The following GPR158 variants were observed in gnomAD, a reference collection of about 807,000 sequenced individuals.
GPR158 encodes metabotropic glycine receptor.
In GPR158, 30 loss-of-function variants were observed where a neutral mutation model predicts 78.2. That is an observed-to-expected ratio of 0.38 (90% confidence interval 0.29 to 0.52). GPR158 has a LOEUF of 0.52. Among genes scored for constraint, GPR158 ranks in the 20% least tolerant of loss-of-function variants. GPR158 has a pLI of 0.83. For missense variants in GPR158, 1,463 were observed against 1,523.5 expected, an observed-to-expected ratio of 0.96 and a Z score of 0.66; for synonymous variants, 581 against 591.1, an observed-to-expected ratio of 0.98 and a Z score of 0.25.
intron 1 of GPR158, among the ~76,000 whole-genome samples, chr10:25,220,454 T>C (rs931693865): frequency 6.6e-6 from 1 of 152,188 alleles, no homozygotes; most frequent in African/African-American, 2.4e-5. Context: ...TGAAATGCAG[T>C]CTCTTCGTTT....
intron 1 of GPR158, among the ~76,000 whole-genome samples, chr10:25,219,658 A>C: frequency 6.6e-6 from 1 of 152,240 alleles, no homozygotes; most frequent in African/African-American, 2.4e-5. Context: ...TAGGTAATGT[A>C]GTACTTTTCT....
Position 25,175,475 on chromosome 10 carries a change from T to C in GPR158, c.55T>C (p.Leu19=). The C allele has an allele frequency of 6.2e-7, 1 of 1,609,808 alleles. No homozygotes were observed. Among genetic ancestry groups the C allele is most frequent in the South Asian group, 1.1e-5 (1 of 90,650 alleles). Residue 19 remains leucine, a synonymous_variant, in exon 1 of 11, where the codon TTG becomes CTG. Transcript: ENST00000376351. This position sits in a 1 kb window ranked among gnomAD's most constrained non-coding sequence, Gnocchi z 6.4. ...CTGCCTCCTGCTTGCTCAGCTGGGATTGGGAGCTGTTGGCGCCAGCCGCGA... is the reference window on the plus strand; with the variant it reads ...CTGCCTCCTGCTTGCTCAGCTGGGACTGGGAGCTGTTGGCGCCAGCCGCGA... ...LLCLLLAQLG[L]GAVGASRDPQ...
At chr10:25,555,439 G>A (rs2130716455) in intron 6 of GPR158, among the ~76,000 whole-genome samples, 1 of 152,256 alleles carries the variant, frequency 6.6e-6, no homozygotes, top group South Asian at 2.1e-4. Flanking sequence ...CAGGAACCTT[G>A]GATGTGTTTG....
chr10:25,253,313 C>G (rs1345980779), intron 2 of GPR158, among the ~76,000 whole-genome samples: 4 of 152,146 alleles, frequency 2.6e-5, no homozygotes, highest in African/African-American at 7.2e-5. Flanking sequence ...CGGAGCAGTT[C>G]CTATTCGGCC....
intron 4 of GPR158, among the ~76,000 whole-genome samples, chr10:25,448,236 C>G (rs1483066327): frequency 6.6e-6 from 1 of 151,932 alleles, no homozygotes; most frequent in Non-Finnish European, 1.5e-5. Context: ...AGGTGCCCGC[C>G]ACCACGCCTG....
intron 2 of GPR158, among the ~76,000 whole-genome samples, chr10:25,297,445 G>T (rs1854531964): frequency 6.6e-6 from 1 of 152,166 alleles, no homozygotes; most frequent in African/African-American, 2.4e-5. Flanking sequence ...GAATTGTTTT[G>T]TGTTGCTTTA....
At position 25,367,672 on chromosome 10, in the gene GPR158, C is replaced by T. The variant is rs574140458; in HGVS notation, c.1009-28239C>T. On this transcript the variant is annotated intron_variant, in intron 2 of 10. Transcript: ENST00000376351. ...GGTGGGGTTTTTGTTTGTCTCTGAC[C>T]TCTTCATTTATCACCTTATATATTT... Among the ~76,000 whole-genome samples, 4 of 148,700 alleles carry T rather than the reference C, an allele frequency of 2.7e-5. No homozygotes were observed. The Admixed American group carries it at 2.7e-4, about 10-fold the overall frequency.
At chr10:25,544,763 G>T (rs533452266) in intron 5 of GPR158, among the ~76,000 whole-genome samples, 1 of 152,192 alleles carries the variant, frequency 6.6e-6, no homozygotes, top group East Asian at 1.9e-4. Context: ...GAACGTGCAG[G>T]TTTGTTACAT....
intron 2 of GPR158, among the ~76,000 whole-genome samples, chr10:25,225,145 G>C (rs981529999): frequency 4.0e-5 from 6 of 148,208 alleles, no homozygotes; most frequent in Admixed American, 1.3e-4. Context: ...CCAACCACTT[G>C]CCATCCCAGA....
chr10:25,499,282 C>T (rs1331773224), intron 5 of GPR158, among the ~76,000 whole-genome samples: 1 of 152,150 alleles, frequency 6.6e-6, no homozygotes, highest in Non-Finnish European at 1.5e-5. Flanking sequence ...GACAATTTAC[C>T]TTTCCTGAAA....
intron 8 of GPR158, among the ~76,000 whole-genome samples, chr10:25,590,363 G>T (rs996196038): frequency 6.6e-6 from 1 of 152,128 alleles, no homozygotes; most frequent in Non-Finnish European, 1.5e-5. Flanking sequence ...GACATTAGAA[G>T]AGGAAGGAAA....
intron 7 of GPR158, among the ~76,000 whole-genome samples, chr10:25,577,128 T>G (rs1311505718): frequency 1.6e-4 from 24 of 152,242 alleles, no homozygotes; most frequent in Non-Finnish European, 7.3e-5. Context: ...GCAGCATCAA[T>G]ATTTAACCTC....
intron 1 of GPR158, among the ~76,000 whole-genome samples, chr10:25,198,339 G>C (rs1367823022): frequency 2.0e-5 from 3 of 152,214 alleles, no homozygotes; most frequent in African/African-American, 7.2e-5. Flanking sequence ...ACTATGTAAA[G>C]TTTTGGCAAG....
At chr10:25,556,006 A>G (rs1368664848) in intron 6 of GPR158, among the ~76,000 whole-genome samples, 1 of 152,160 alleles carries the variant, frequency 6.6e-6, no homozygotes, top group Non-Finnish European at 1.5e-5. Flanking sequence ...AGACATTTAC[A>G]TTTATTTATT....
intron 5 of GPR158, among the ~76,000 whole-genome samples, chr10:25,484,834 A>G (rs986509703): frequency 1.3e-5 from 2 of 152,198 alleles, no homozygotes; most frequent in South Asian, 2.1e-4. Context: ...TCCAGGACAC[A>G]TAAGTAATTA....
At position 25,326,593 on chromosome 10, in the gene GPR158, G is replaced by T. The variant is rs1855037417; in HGVS notation, c.1009-69318G>T. Among the ~76,000 whole-genome samples the T allele has an allele frequency of 2.0e-5, 3 of 152,118 alleles. No homozygotes were observed. The South Asian group carries it at 6.2e-4, about 32-fold the overall frequency. The stretch of plus-strand genomic sequence containing the variant: ...AGAAGCAGAGAATAGAACAGAGGTT[G>T]CCAGGAGATAGGGGCTGGGGAGAAA... On this transcript the variant is annotated intron_variant, in intron 2 of 10. Coordinates refer to ENST00000376351, the MANE Select transcript of GPR158 (RefSeq NM_020752.3).
intron 5 of GPR158, among the ~76,000 whole-genome samples, chr10:25,520,328 C>G (rs1438273019): frequency 2.2e-5 from 3 of 139,396 alleles, no homozygotes; most frequent in East Asian, 2.1e-4. Context: ...AATGTCCTCC[C>G]GTAGCTCAGA....
chr10:25,232,349 A>G (rs1350609202), intron 2 of GPR158, among the ~76,000 whole-genome samples: 1 of 152,210 alleles, frequency 6.6e-6, no homozygotes, highest in Non-Finnish European at 1.5e-5. Context: ...TCCCTCTGCT[A>G]CAATTATATA....
chr10:25,506,651 A>G (rs1239050525), intron 5 of GPR158, among the ~76,000 whole-genome samples: 2 of 152,216 alleles, frequency 1.3e-5, no homozygotes, highest in African/African-American at 2.4e-5. Context: ...TTAGGGATAC[A>G]TCTTGAACTA....
Sources: gnomAD v4.1 joint callset for allele counts (sites outside exome capture counted in the v4.1 genomes callset) on GRCh38, gnomAD v4.1.1 for gene constraint, Gnocchi (gnomAD v3.1) non-coding constraint, MANE v1.5 for transcripts, NCBI Gene and HGNC (gene_info 2026-07-23, HGNC 2026-07-21) for gene names.